Variants in DNAJC13 observed in about 807,000 individuals in gnomAD.
DNAJC13 encodes DnaJ heat shock protein family (Hsp40) member C13.
In DNAJC13, 75 loss-of-function variants were observed where a neutral mutation model predicts 290.5. That is an observed-to-expected ratio of 0.26 (90% CI 0.21 to 0.31). DNAJC13 has a LOEUF of 0.31. DNAJC13 is among the 10% of genes least tolerant of loss of function. The pLI, the probability that DNAJC13 is intolerant of heterozygous loss-of-function variation, is 1.00. For missense variants in DNAJC13, 2,260 were observed against 2,674.5 expected, an observed-to-expected ratio of 0.85 and a Z score of 3.42; for synonymous variants, 862 against 892.0, an observed-to-expected ratio of 0.97 and a Z score of 0.60.
chr3:132,425,204 G>A (rs1939058796), intron 1 of DNAJC13, among the ~76,000 whole-genome samples: 1 of 152,004 alleles, frequency 6.6e-6, no homozygotes, highest in Non-Finnish European at 1.5e-5. Flanking sequence ...TCTTTCCATG[G>A]TTCTCCTTAC....
Position 132,478,028 on chromosome 3 carries a change from A to G in DNAJC13, c.2597A>G (p.Lys866Arg). ...ELYHRFLLTP[K>R]VNMKCLCLQA... ...TATCATCGCTTCTTGCTCACCCCAA[A>G]AGTAAACATGAAGTGTTTATGTTTA... The change falls in exon 24 of 56, where the codon AAA becomes AGA. Residue 866 changes from lysine (K) to arginine (R), a missense_variant. Lys to Arg is a conservative substitution (Grantham distance 26, BLOSUM62 2). Around this residue, in one of 3 missense-constraint regions of DNAJC13, gnomAD observed 1,494 missense variants for 1,693.7 expected, o/e 0.88. Transcript: ENST00000260818. The G allele has an allele frequency of 6.2e-7, 1 of 1,613,052 alleles. No individual in the cohort carries two copies. Among genetic ancestry groups the G allele is most frequent in the South Asian group, 1.1e-5 (1 of 90,656 alleles).
chr3:132,531,753 C>T (rs576122849), intron 55 of DNAJC13, among the ~76,000 whole-genome samples: 7 of 151,448 alleles, frequency 4.6e-5, no homozygotes, highest in Non-Finnish European at 7.4e-5. Flanking sequence ...GCCAAGATTG[C>T]GCCACTGCAC....
intron 14 of DNAJC13, 47 bp from the exon 15 acceptor site, chr3:132,461,003 G>A (rs201484407): frequency 6.4e-7 from 1 of 1,553,212 alleles, no homozygotes; most frequent in East Asian, 2.3e-5. Context: ...TTTAACTGAA[G>A]GTCCCCATCT....
chr3:132,496,729 C>G, intron 36 of DNAJC13, 66 bp downstream of exon 36: 1 of 1,289,502 alleles, frequency 7.8e-7, no homozygotes, highest in Non-Finnish European at 1.0e-6. Context: ...AACCCTATAC[C>G]ATATTACCTG....
At chr3:132,437,885 A>G (rs1939421848) in intron 2 of DNAJC13, among the ~76,000 whole-genome samples, 2 of 151,916 alleles carry the variant, frequency 1.3e-5, no homozygotes, top group South Asian at 4.2e-4. Context: ...TCCTGTCTCT[A>G]CCAAAAAGTA....
At position 132,513,101 on chromosome 3, in the gene DNAJC13, T is replaced by A. The variant is rs2107733802; in HGVS notation, c.5385+2T>A. ...CAAGTGCAGCAGTTGGCTTTAGAGG[T>A]AAAAGCGTTTTGTACTAAAGCGTGT... On this transcript the variant is annotated splice_donor_variant, in intron 45 of 55. Transcript: ENST00000260818. LOFTEE classifies it high-confidence loss of function. 6.2e-7 allele frequency: 1 copy of A among 1,612,192 alleles called. No homozygotes were observed. The highest frequency in any genetic ancestry group is 1.1e-5 in the South Asian group (1 of 91,030).
At chr3:132,485,143 T>A (rs968826452) in intron 29 of DNAJC13, among the ~76,000 whole-genome samples, 2 of 152,104 alleles carry the variant, frequency 1.3e-5, no homozygotes, top group African/African-American at 4.8e-5. Flanking sequence ...ATTTTTTATT[T>A]TTTTTTATTT....
At chr3:132,501,596 G>A (rs1277576719) in intron 39 of DNAJC13, among the ~76,000 whole-genome samples, 4 of 151,940 alleles carry the variant, frequency 2.6e-5, no homozygotes, top group Non-Finnish European at 4.4e-5. Context: ...AAAAAACAGG[G>A]CCATGTAAAA....
intron 39 of DNAJC13, 119 bp from the exon 40 acceptor site, chr3:132,502,169 TA>T: frequency 1.3e-6 from 1 of 799,414 alleles, no homozygotes; most frequent in Non-Finnish European, 1.9e-6. Flanking sequence ...TAAGAAGAGG[TA>T]AACATTTTAC....
In DNAJC13 at chr3:132,478,055, A is replaced by G; in HGVS notation, c.2624A>G (p.Gln875Arg). 6.2e-7 allele frequency: 1 copy of G among 1,613,794 alleles called. No homozygotes were observed. Among genetic ancestry groups the G allele is most frequent in the Non-Finnish European group, 8.5e-7 (1 of 1,179,886 alleles). ...GTAAACATGAAGTGTTTATGTTTAC[A>G]AGCCCTTGCTATTGTTTATGGCAGA... ...PKVNMKCLCL[Q>R]ALAIVYGRCH... Residue 875 changes from glutamine to arginine, a missense_variant, in exon 24 of 56, where the codon CAA becomes CGA. By Grantham distance (43) the Gln-to-Arg change is conservative. Coordinates refer to ENST00000260818, the MANE Select transcript of DNAJC13 (RefSeq NM_015268.4).
intron 2 of DNAJC13, among the ~76,000 whole-genome samples, chr3:132,437,860 AC>A (rs1939421316): frequency 6.6e-6 from 1 of 151,890 alleles, no homozygotes; most frequent in Admixed American, 6.6e-5. Context: ...GCCCGGCCTG[AC>A]CAGCATGATG....
rs1244828338 is a variant in DNAJC13, at chr3:132,492,424, A to G, written c.3634A>G (p.Ile1212Val). ...IWSSEMRRLMIEKIAAHLADF... is the reference protein window; with the variant it reads ...IWSSEMRRLMVEKIAAHLADF... The stretch of plus-strand genomic sequence containing the variant: ...TTTTTATGATTGTAGGCGCCTGATG[A>G]TAGAGAAGATTGCTGCCCATCTCGC... The change falls in exon 33 of 56, where the codon ATA (isoleucine) becomes GTA (valine). Residue 1212 changes from isoleucine to valine, a missense_variant. Transcript: ENST00000260818. 1 of 1,613,662 alleles carries G rather than the reference A, an allele frequency of 6.2e-7. No individual in the cohort carries two copies. Among genetic ancestry groups the G allele is most frequent in the East Asian group, 2.2e-5 (1 of 44,880 alleles).
chr3:132,460,439 T>G (rs937146639), intron 14 of DNAJC13, 82 bp downstream of exon 14: 8 of 875,196 alleles, frequency 9.1e-6, no homozygotes, highest in Non-Finnish European at 1.4e-5. Flanking sequence ...GTGGATGATT[T>G]TTTTTTTTTT....
At chr3:132,496,706 C>T in intron 36 of DNAJC13, 43 bp downstream of exon 36, 1 of 1,557,444 alleles carries the variant, frequency 6.4e-7, no homozygotes, top group South Asian at 1.2e-5. Flanking sequence ...CTCCAGCTAA[C>T]CTTATCACAG....
At chr3:132,432,039 A>T (rs1298548221) in intron 1 of DNAJC13, among the ~76,000 whole-genome samples, 2 of 151,962 alleles carry the variant, frequency 1.3e-5, no homozygotes, top group Non-Finnish European at 2.9e-5. Flanking sequence ...CGTTATAAAA[A>T]TTTTTTTTCT....
intron 1 of DNAJC13, among the ~76,000 whole-genome samples, chr3:132,432,167 A>G (rs1160755185): frequency 6.6e-6 from 1 of 151,782 alleles, no homozygotes; most frequent in Non-Finnish European, 1.5e-5. Context: ...ACTTTGGTGT[A>G]TTTTCTACAA....
intron 20 of DNAJC13, among the ~76,000 whole-genome samples, chr3:132,470,651 T>C (rs1221510485): frequency 2.0e-4 from 26 of 130,918 alleles, no homozygotes; most frequent in Non-Finnish European, 3.8e-4. Context: ...ACGGGGCGGC[T>C]GGCCGGGCGG....
chr3:132,457,672 A>AT (rs1265557926), intron 13 of DNAJC13: 1 of 198,056 alleles, frequency 5.0e-6, no homozygotes, highest in African/African-American at 2.3e-5. Context: ...GCAGCACTTT[A>AT]TTTTTGTTTG....
chr3:132,470,884 C>CG (rs1385001458), intron 20 of DNAJC13, among the ~76,000 whole-genome samples: 1 of 120,310 alleles, frequency 8.3e-6, no homozygotes, highest in Non-Finnish European at 1.8e-5. Context: ...GCCGGCCGGG[C>CG]GGGGGGCTGA....
Sources: allele counts gnomAD v4.1 joint callset (sites outside exome capture counted in the v4.1 genomes callset), GRCh38; gene constraint gnomAD v4.1.1; regional missense constraint gnomAD v4.1.1; transcripts MANE v1.5; gene names NCBI Gene and HGNC (gene_info 2026-07-23, HGNC 2026-07-21).